Variants in IL1RAPL1 observed in about 807,000 individuals in gnomAD.
IL1RAPL1 encodes interleukin-1 receptor accessory protein-like 1.
A neutral mutation model predicts 48.4 loss-of-function variants in IL1RAPL1; 3 were observed. The observed-to-expected ratio is 0.06, with a 90% CI of 0.03 to 0.16. IL1RAPL1 has a LOEUF of 0.16. IL1RAPL1 is among the 10% of genes least tolerant of loss of function. The pLI is 1.00. For synonymous variants in IL1RAPL1, 185 were observed against 187.7 expected (o/e 0.99, Z 0.12); for missense variants, 349 against 530.6 (o/e 0.66, Z 3.36).
chrX:29,081,163 C>T (rs1294575987), intron 2 of IL1RAPL1, among the ~76,000 whole-genome samples: 2 of 105,135 alleles, frequency 1.9e-5, no homozygotes, highest in Non-Finnish European at 3.9e-5. Context: ...AAGCGATTCT[C>T]CTGCCTCGGC....
chrX:28,646,709 C>T (rs185022120), intron 1 of IL1RAPL1, among the ~76,000 whole-genome samples: 5 of 112,214 alleles, frequency 4.5e-5, no homozygotes, highest in Admixed American at 3.8e-4. Flanking sequence ...GAAAATCCTA[C>T]AAGTAATAAT....
rs144834508 is a variant in IL1RAPL1, at chrX:29,854,090, G to A, written c.779-63374G>A. ...TCCAAATTTTCGAGGTACGAAGGAT[G>A]ACTTTCTGACTTCACATAAATTGCC... On this transcript the variant is annotated intron_variant, in intron 6 of 10. Transcript: ENST00000378993. 8.5e-3 allele frequency among the ~76,000 whole-genome samples: 956 copies of A among 112,008 alleles called. 10 individuals carry two copies. Among genetic ancestry groups the A allele is most frequent in the African/African-American group, 0.028 (870 of 30,839 alleles).
intron 2 of IL1RAPL1, among the ~76,000 whole-genome samples, chrX:28,991,877 G>T (rs1925611955): frequency 8.9e-6 from 1 of 111,893 alleles, no homozygotes; most frequent in Non-Finnish European, 1.9e-5. Flanking sequence ...TTTTGTGGGA[G>T]ATGCTATAGT....
intron 1 of IL1RAPL1, among the ~76,000 whole-genome samples, chrX:28,629,040 T>C (rs1601839749): frequency 9.0e-6 from 1 of 111,720 alleles, no homozygotes; most frequent in East Asian, 2.8e-4. Flanking sequence ...ATAATATGTA[T>C]TATCATTTTG....
At chrX:29,676,861 G>A (rs2147103594) in intron 6 of IL1RAPL1, among the ~76,000 whole-genome samples, 1 of 111,797 alleles carries the variant, frequency 8.9e-6, no homozygotes, top group African/African-American at 3.2e-5. Context: ...GACAAACACT[G>A]TTATCACAAA....
At chrX:28,786,362 G>T (rs1936474156) in intron 1 of IL1RAPL1, among the ~76,000 whole-genome samples, 1 of 110,387 alleles carries the variant, frequency 9.1e-6, no homozygotes, top group Non-Finnish European at 1.9e-5. Context: ...CTACTTGGGA[G>T]GCTGAAAGAG....
At chrX:29,667,674 A>G (rs1290475736) in intron 5 of IL1RAPL1, among the ~76,000 whole-genome samples, 2 of 111,922 alleles carry the variant, frequency 1.8e-5, no homozygotes, top group Non-Finnish European at 3.8e-5. Context: ...CCTATCTTCA[A>G]GATTTCTAAT....
intron 5 of IL1RAPL1, among the ~76,000 whole-genome samples, chrX:29,417,167 C>G (rs183744021): frequency 1.8e-5 from 2 of 111,650 alleles, no homozygotes; most frequent in African/African-American, 6.5e-5. Flanking sequence ...ATTGAAGGCT[C>G]TTTCTTGATG....
At chrX:29,624,315 A>C (rs895081125) in intron 5 of IL1RAPL1, among the ~76,000 whole-genome samples, 15 of 111,900 alleles carry the variant, frequency 1.3e-4, no homozygotes, top group African/African-American at 4.9e-4. Flanking sequence ...TTCTTTCCTT[A>C]TATGAGAAAT....
At chrX:28,890,057 G>A (rs1374340368) in intron 2 of IL1RAPL1, among the ~76,000 whole-genome samples, 1 of 111,339 alleles carries the variant, frequency 9.0e-6, no homozygotes, top group Non-Finnish European at 1.9e-5. Flanking sequence ...TTGTTCAGTG[G>A]TTGAGCTTTA....
At chrX:28,825,789 A>AT (rs1035413122) in intron 2 of IL1RAPL1, among the ~76,000 whole-genome samples, 5 of 110,473 alleles carry the variant, frequency 4.5e-5, no homozygotes, top group Admixed American at 9.6e-5. Flanking sequence ...TTAGTATGCT[A>AT]TTTTTTTGAA....
Position 29,955,999 on chromosome X carries a change from C to T in IL1RAPL1, c.*179C>T, listed in dbSNP as rs1423696276. The T allele has an allele frequency of 4.1e-5, 19 of 460,939 alleles. No individual in the cohort carries two copies. Among genetic ancestry groups the T allele is most frequent in the Non-Finnish European group, 1.9e-5 (5 of 258,730 alleles). The allele number at this position is 460,939 out of a possible 1,213,427, so 38.0% of individuals were successfully genotyped here. A position where few individuals can be genotyped will look rare whatever the true frequency, so the allele number is the denominator to read the frequency against. ...ATTTCTTTGTAGCATCAGTGTCCTC[C>T]TGTTTTACCATGTCTTTTACCATTA... On this transcript the variant is annotated 3_prime_UTR_variant, in exon 11 of 11. Coordinates refer to ENST00000378993, the MANE Select transcript of IL1RAPL1 (RefSeq NM_014271.4).
chrX:29,622,704 A>G (rs1178722753), intron 5 of IL1RAPL1, among the ~76,000 whole-genome samples: 2 of 111,348 alleles, frequency 1.8e-5, no homozygotes, highest in Non-Finnish European at 3.8e-5. Context: ...TTTTTTAATT[A>G]CAAGCCAAAT....
At chrX:29,144,327 G>T (rs1929302267) in intron 2 of IL1RAPL1, among the ~76,000 whole-genome samples, 1 of 110,526 alleles carries the variant, frequency 9.0e-6, no homozygotes, top group African/African-American at 3.3e-5. Context: ...TCTTGGCTGG[G>T]TGCGGTGGCT....
At chrX:29,137,982 AGT>A (rs1039102006) in intron 2 of IL1RAPL1, among the ~76,000 whole-genome samples, 1 of 112,853 alleles carries the variant, frequency 8.9e-6, no homozygotes, top group Non-Finnish European at 1.9e-5. Flanking sequence ...GCAACTATAA[AGT>A]GTTATTTATT....
intron 2 of IL1RAPL1, among the ~76,000 whole-genome samples, chrX:29,072,465 A>G (rs1000761941): frequency 9.0e-6 from 1 of 111,601 alleles, no homozygotes; most frequent in Non-Finnish European, 1.9e-5. Flanking sequence ...TCCTAATCCT[A>G]TAACTTAGTC....
chrX:29,008,168 A>AT lies in IL1RAPL1; in HGVS notation c.82+218759dup, dbSNP rs1203523772. On this transcript the variant is annotated intron_variant, in intron 2 of 10. Transcript: ENST00000378993. ...AGGTGTGCAGCACCAGGCCCGGATA[A>AT]TTTTTTTTTTTTTTTTATTGAGACG... 9.4e-3 allele frequency among the ~76,000 whole-genome samples: 919 copies of AT among 98,086 alleles called. 3 individuals are homozygous for AT. The highest frequency in any genetic ancestry group is 0.016 in the Middle Eastern group (3 of 186). 85.2% of individuals were successfully genotyped at this position (98,086 alleles called of 115,157 possible).
At chrX:28,984,266 T>C (rs1925412278) in intron 2 of IL1RAPL1, among the ~76,000 whole-genome samples, 1 of 111,570 alleles carries the variant, frequency 9.0e-6, no homozygotes, top group African/African-American at 3.3e-5. Flanking sequence ...GATAAATAGC[T>C]ACATGGGGCT....
At chrX:28,689,082 T>G (rs1249311324) in intron 1 of IL1RAPL1, among the ~76,000 whole-genome samples, 3 of 111,283 alleles carry the variant, frequency 2.7e-5, no homozygotes, top group Non-Finnish European at 5.6e-5. Context: ...GATACCAATT[T>G]TCTCACGTCA....
Sources: allele counts gnomAD v4.1 joint callset (sites outside exome capture counted in the v4.1 genomes callset), GRCh38; gene constraint gnomAD v4.1.1; transcripts MANE v1.5; gene names NCBI Gene and HGNC (gene_info 2026-07-23, HGNC 2026-07-21).